FHOD3: variants seen among roughly 807,000 people sequenced by gnomAD.
FHOD3 encodes formin homology 2 domain containing 3, also known as FH1/FH2 domain-containing protein 3.
In FHOD3, 90 loss-of-function variants were observed where a neutral mutation model predicts 173.0. The ratio of observed to expected loss-of-function variants is 0.52; its 90% confidence interval spans 0.44 to 0.62. The LOEUF (loss-of-function observed/expected upper bound fraction) is 0.62. Among genes scored for constraint, FHOD3 ranks in the 20% least tolerant of loss-of-function variants. The pLI is 0.00. For synonymous variants in FHOD3, 828 were observed against 823.0 expected (o/e 1.01, Z -0.10); for missense variants, 1,945 against 2,034.7 (o/e 0.96, Z 0.85).
chr18:36,320,183 A>T (rs923541650), intron 1 of FHOD3, among the ~76,000 whole-genome samples: 1 of 152,202 alleles, frequency 6.6e-6, no homozygotes, highest in African/African-American at 2.4e-5. Context: ...AAAAAAATCA[A>T]TGAATCCAGG....
intron 15 of FHOD3, 80 bp from the exon 16 acceptor site, chr18:36,687,048 T>C: frequency 2.8e-6 from 3 of 1,071,430 alleles, no homozygotes; most frequent in Middle Eastern, 2.3e-4. Flanking sequence ...ATATACTGTT[T>C]ATAATTTATT....
At chr18:36,372,555 G>A (rs1339456651) in intron 2 of FHOD3, 125 bp from the exon 3 acceptor site, 1 of 652,012 alleles carries the variant, frequency 1.5e-6, no homozygotes, top group African/African-American at 1.8e-5. Context: ...CTTATTCAGT[G>A]TGGGTCTCTG....
At chr18:36,369,599 G>C (rs932434681) in intron 2 of FHOD3, among the ~76,000 whole-genome samples, 1 of 151,502 alleles carries the variant, frequency 6.6e-6, no homozygotes, top group Non-Finnish European at 1.5e-5. Flanking sequence ...TTACGTATAT[G>C]TGTATATATA....
chr18:36,340,838 C>T (rs189008593), intron 1 of FHOD3, among the ~76,000 whole-genome samples: 31 of 152,096 alleles, frequency 2.0e-4, no homozygotes, highest in Middle Eastern at 6.8e-3. Context: ...AGGGTTTCAC[C>T]GTGTTAGCCA....
chr18:36,637,365 A>G (rs1284486571), intron 10 of FHOD3, among the ~76,000 whole-genome samples: 2 of 152,132 alleles, frequency 1.3e-5, no homozygotes, highest in African/African-American at 4.8e-5. Flanking sequence ...GTGCAGTGAC[A>G]CAATCTCAGC....
chr18:36,413,521 G>C (rs1335019412), intron 3 of FHOD3, among the ~76,000 whole-genome samples: 1 of 152,194 alleles, frequency 6.6e-6, no homozygotes, highest in Non-Finnish European at 1.5e-5. Flanking sequence ...GACCATGTCT[G>C]CTTTCCTTGT....
At chr18:36,442,658 C>T (rs1333687102) in intron 3 of FHOD3, among the ~76,000 whole-genome samples, 2 of 152,108 alleles carry the variant, frequency 1.3e-5, no homozygotes, top group African/African-American at 4.8e-5. Flanking sequence ...TGTAGATTTC[C>T]TTATACCCTT....
intron 3 of FHOD3, among the ~76,000 whole-genome samples, chr18:36,481,637 A>G (rs1219060182): frequency 6.6e-6 from 1 of 152,118 alleles, no homozygotes; most frequent in Non-Finnish European, 1.5e-5. Context: ...GTATTTTGAG[A>G]TAGTGTCTCA....
At chr18:36,447,366 G>C (rs1031536237) in intron 3 of FHOD3, among the ~76,000 whole-genome samples, 4 of 152,212 alleles carry the variant, frequency 2.6e-5, no homozygotes, top group African/African-American at 4.8e-5. Flanking sequence ...GGATGACTTT[G>C]TGCTTGATTT....
chr18:36,309,093 C>G (rs2092180349), intron 1 of FHOD3, among the ~76,000 whole-genome samples: 1 of 152,066 alleles, frequency 6.6e-6, no homozygotes, highest in African/African-American at 2.4e-5. Flanking sequence ...TGTGGGCATG[C>G]CTGGGGGCTC....
At chr18:36,534,271 C>G (rs1369871620) in intron 5 of FHOD3, among the ~76,000 whole-genome samples, 1 of 152,068 alleles carries the variant, frequency 6.6e-6, no homozygotes, top group Non-Finnish European at 1.5e-5. Context: ...GGTTTCCTTG[C>G]CTGCCTCTGG....
At chr18:36,546,246 A>G (rs181396580) in intron 5 of FHOD3, among the ~76,000 whole-genome samples, 1 of 152,324 alleles carries the variant, frequency 6.6e-6, no homozygotes, top group East Asian at 1.9e-4. Context: ...GGGACTGTTT[A>G]CCACCCCTGG....
chr18:36,469,214 A>G (rs1043215688), intron 3 of FHOD3, among the ~76,000 whole-genome samples: 3 of 152,160 alleles, frequency 2.0e-5, no homozygotes, highest in Admixed American at 6.5e-5. Context: ...GCTATACACA[A>G]TAAGCAAATA....
intron 5 of FHOD3, among the ~76,000 whole-genome samples, chr18:36,551,616 G>A (rs2057661194): frequency 6.6e-6 from 1 of 152,162 alleles, no homozygotes; most frequent in Non-Finnish European, 1.5e-5. Context: ...TTCTTCTAGG[G>A]TTTTTATGGT....
intron 3 of FHOD3, among the ~76,000 whole-genome samples, chr18:36,386,174 G>T (rs2048024378): frequency 6.6e-6 from 1 of 152,162 alleles, no homozygotes; most frequent in Non-Finnish European, 1.5e-5. Context: ...TATACATATG[G>T]CAATACATTT....
intron 3 of FHOD3, among the ~76,000 whole-genome samples, chr18:36,409,905 G>A (rs1290665030): frequency 6.6e-6 from 1 of 152,164 alleles, no homozygotes; most frequent in Non-Finnish European, 1.5e-5. Flanking sequence ...GAGAAAACAG[G>A]GCAATAATGC....
intron 10 of FHOD3, among the ~76,000 whole-genome samples, chr18:36,644,644 T>C (rs1187208880): frequency 6.6e-6 from 1 of 152,210 alleles, no homozygotes; most frequent in African/African-American, 2.4e-5. Flanking sequence ...AGAAGACAGC[T>C]TGGGATGTAG....
intron 19 of FHOD3, among the ~76,000 whole-genome samples, chr18:36,724,492 G>T (rs565423755): frequency 5.1e-4 from 78 of 152,282 alleles, no homozygotes; most frequent in Non-Finnish European, 9.6e-4. Flanking sequence ...CAGGAATCCT[G>T]TGACTCTTCT....
intron 9 of FHOD3, among the ~76,000 whole-genome samples, chr18:36,621,060 AG>A (rs2033663779): frequency 6.6e-6 from 1 of 152,228 alleles, no homozygotes; most frequent in Non-Finnish European, 1.5e-5. Flanking sequence ...CCATTTCAGA[AG>A]GGTGATTTGA....
Sources: gnomAD v4.1 joint callset for allele counts (sites outside exome capture counted in the v4.1 genomes callset) on GRCh38, gnomAD v4.1.1 for gene constraint, MANE v1.5 for transcripts, NCBI Gene and HGNC (gene_info 2026-07-23, HGNC 2026-07-21) for gene names.